The following STRIP2 variants were observed in gnomAD, a reference collection of about 807,000 sequenced individuals.
The protein encoded by STRIP2 is striatin interacting protein 2, also known as striatin-interacting protein 2.
STRIP2 carries 84 observed loss-of-function variants against 107.1 expected under a neutral mutation model. The ratio of observed to expected loss-of-function variants is 0.78; its 90% CI spans 0.66 to 0.94. The LOEUF (loss-of-function observed/expected upper bound fraction) is 0.94. STRIP2 is among the 40% of genes least tolerant of loss of function. The pLI is 0.00. For missense variants in STRIP2, 888 were observed against 1,034.2 expected, an observed-to-expected ratio of 0.86 and a Z score of 1.94; for synonymous variants, 394 against 400.4, an observed-to-expected ratio of 0.98 and a Z score of 0.19.
chr7:129,443,942 G>T lies in STRIP2; in HGVS notation c.200-82G>T, dbSNP rs553486885. 4 of 1,020,170 alleles carry T rather than the reference G, an allele frequency of 3.9e-6. No homozygotes were observed. In the Admixed American group the frequency reaches 5.4e-5, roughly 14 times the overall value. 63.2% of individuals were successfully genotyped at this position (1,020,170 alleles called of 1,614,324 possible). On this transcript the variant is annotated intron_variant, in intron 2 of 20. Transcript: ENST00000249344. ...ACACAGGAATGTGTTGGAAGCTTCA[G>T]CTCTTTCATGCCACCCTCTCTACTT...
intron 1 of STRIP2, among the ~76,000 whole-genome samples, chr7:129,436,766 T>C (rs1797751977): frequency 6.6e-6 from 1 of 152,206 alleles, no homozygotes; most frequent in South Asian, 2.1e-4. Context: ...AGAATTACTG[T>C]GGCACAAGTC....
intron 9 of STRIP2, among the ~76,000 whole-genome samples, chr7:129,457,803 T>G (rs2151001585): frequency 6.6e-6 from 1 of 152,322 alleles, no homozygotes; most frequent in Middle Eastern, 3.4e-3. Context: ...ATTCCAAACT[T>G]GCTTCCCTCT....
Position 129,475,608 on chromosome 7 carries a change from G to A in STRIP2, c.1944+4893G>A, listed in dbSNP as rs577937115. On this transcript the variant is annotated intron_variant, in intron 18 of 20. Coordinates refer to ENST00000249344, the MANE Select transcript of STRIP2 (RefSeq NM_020704.3). Reference sequence around the variant, plus strand: ...TATTGATCATTCTTGGGTGTTTCTCGCATAGGGGGATTTGGCAGGGTCATA... The same window carrying A: ...TATTGATCATTCTTGGGTGTTTCTCACATAGGGGGATTTGGCAGGGTCATA... Among the ~76,000 whole-genome samples, 770 of 131,766 alleles carry A rather than the reference G, an allele frequency of 5.8e-3. 8 individuals carry two copies. Among genetic ancestry groups the A allele is most frequent in the African/African-American group, 0.021 (731 of 34,580 alleles). 86.4% of individuals were successfully genotyped at this position (131,766 alleles called of 152,430 possible).
At position 129,464,593 on chromosome 7, in the gene STRIP2, C is replaced by G. The variant is rs1357606479; in HGVS notation, c.1650-19C>G. 1 of 1,613,642 alleles carries G rather than the reference C, an allele frequency of 6.2e-7. No homozygotes were observed. The highest frequency in any genetic ancestry group is 1.3e-5 in the African/African-American group (1 of 74,874). On this transcript the variant is annotated intron_variant, in intron 15 of 20. Coordinates refer to ENST00000249344, the MANE Select transcript of STRIP2 (RefSeq NM_020704.3). The stretch of plus-strand genomic sequence containing the variant: ...TTTAAGGCCACTCTCTGCACTAATA[C>G]CTTCTCTCCCCATTGTAGCATCACT...
At chr7:129,448,613 C>G (rs887257149) in intron 3 of STRIP2, among the ~76,000 whole-genome samples, 9 of 152,156 alleles carry the variant, frequency 5.9e-5, no homozygotes, top group African/African-American at 1.9e-4. Flanking sequence ...CTATCAGTTT[C>G]ACTTCTAGAA....
Position 129,455,345 on chromosome 7 carries a change from C to G in STRIP2, c.808C>G (p.Leu270Val), listed in dbSNP as rs764595855. ...TCCTCACTTCCCCATAAAGAAGGTC[C>G]TGCTCCTGCTCTGGAAGGTGGTCAT... ...LAPHFPIKKV[L>V]LLLWKVVMFT... is the part of the protein sequence containing the mutation. Residue 270 changes from leucine (L) to valine (V), a missense_variant, in exon 8 of 21, where the codon CTG becomes GTG. Transcript: ENST00000249344. 4 of 1,613,616 alleles carry G rather than the reference C, an allele frequency of 2.5e-6. No individual in the cohort carries two copies. Among genetic ancestry groups the G allele is most frequent in the Non-Finnish European group, 3.4e-6 (4 of 1,179,836 alleles).
chr7:129,459,492 A>G (rs773438752), intron 11 of STRIP2, 25 bp from the exon 12 acceptor site: 2 of 1,609,390 alleles, frequency 1.2e-6, no homozygotes, highest in Non-Finnish European at 1.7e-6. Flanking sequence ...GAAGCTTATG[A>G]TCTGGTATGT....
chr7:129,437,029 T>C (rs1029055790), intron 1 of STRIP2, among the ~76,000 whole-genome samples: 3 of 152,212 alleles, frequency 2.0e-5, no homozygotes, highest in African/African-American at 7.2e-5. Context: ...GTCATCGAAG[T>C]GAGTTTTTCT....
Position 129,451,670 on chromosome 7 carries a change from G to A in STRIP2, c.332G>A (p.Gly111Glu). Reference sequence around the variant, plus strand: ...GATGCCCAAAAGGCCTATATAATGGGACTCTTGGACCGGCTAGAGGTGGTC... The same window carrying A: ...GATGCCCAAAAGGCCTATATAATGGAACTCTTGGACCGGCTAGAGGTGGTC... ...EEDAQKAYIM[G>E]LLDRLEVVSR... Residue 111 changes from glycine (G) to glutamate (E), a missense_variant, in exon 4 of 21, where the codon GGA becomes GAA. Coordinates refer to ENST00000249344, the MANE Select transcript of STRIP2 (RefSeq NM_020704.3). 1 of 1,614,164 alleles carries A rather than the reference G, an allele frequency of 6.2e-7. No homozygotes were observed.
At chr7:129,444,439 C>T (rs1797982200) in intron 3 of STRIP2, among the ~76,000 whole-genome samples, 2 of 152,098 alleles carry the variant, frequency 1.3e-5, no homozygotes, top group African/African-American at 2.4e-5. Flanking sequence ...AGGCTAGGCC[C>T]ATCTCTCCTT....
At chr7:129,452,352 T>C (rs1486317878) in intron 4 of STRIP2, among the ~76,000 whole-genome samples, 2 of 151,974 alleles carry the variant, frequency 1.3e-5, no homozygotes, top group East Asian at 1.9e-4. Flanking sequence ...ATCATAAATA[T>C]AAGGCGTGTT....
At chr7:129,459,916 G>A (rs1441310219) in intron 12 of STRIP2, among the ~76,000 whole-genome samples, 2 of 152,090 alleles carry the variant, frequency 1.3e-5, no homozygotes, top group Admixed American at 1.3e-4. Context: ...TTGAGTAGGA[G>A]CCTGCTCTAT....
chr7:129,478,075 C>A (rs1799019235), intron 18 of STRIP2: 1 of 308,120 alleles, frequency 3.2e-6, no homozygotes, highest in South Asian at 3.0e-5. Flanking sequence ...GAAATAGTAT[C>A]ATCATGTTAG....
At chr7:129,482,283 A>G (rs1009866193) in intron 19 of STRIP2, among the ~76,000 whole-genome samples, 7 of 151,294 alleles carry the variant, frequency 4.6e-5, no homozygotes, top group Non-Finnish European at 7.4e-5. Context: ...ACTTTATACC[A>G]TATGCTTTGA....
At chr7:129,463,742 G>A (rs186014016) in intron 14 of STRIP2, among the ~76,000 whole-genome samples, 20 of 152,298 alleles carry the variant, frequency 1.3e-4, no homozygotes, top group African/African-American at 4.6e-4. Flanking sequence ...TGATCTGCCT[G>A]TCTCGGCCTC....
At chr7:129,478,997 G>A (rs868225907) in intron 18 of STRIP2, among the ~76,000 whole-genome samples, 3 of 152,068 alleles carry the variant, frequency 2.0e-5, no homozygotes, top group Non-Finnish European at 2.9e-5. Context: ...AAGTCTGTTC[G>A]GGCGCGGTGG....
Position 129,460,362 on chromosome 7 carries a change from CTA to C in STRIP2, c.1468_1469del (p.Met490ValfsTer13). 6.2e-7 allele frequency: 1 copy of C among 1,613,654 alleles called. No individual in the cohort carries two copies. Among genetic ancestry groups the C allele is most frequent in the South Asian group, 1.1e-5 (1 of 90,912 alleles). ...AATGAAGAGGAGCTGGAGAAGTGCC[CTA>C]TGTCTTTGGTGAGCCAAGGAAGCCC... On this transcript the variant is annotated frameshift_variant, in exon 13 of 21. Transcript: ENST00000249344. LOFTEE classifies it high-confidence loss of function.
intron 7 of STRIP2, among the ~76,000 whole-genome samples, chr7:129,454,787 C>T (rs1008009570): frequency 6.6e-6 from 1 of 152,158 alleles, no homozygotes; most frequent in African/African-American, 2.4e-5. Flanking sequence ...ATAGCCATTC[C>T]TCTCCCACTC....
intron 20 of STRIP2, chr7:129,484,533 T>C (rs1186793923): frequency 2.0e-5 from 3 of 152,184 alleles, no homozygotes; most frequent in African/African-American, 7.2e-5. Context: ...AATACCATGA[T>C]CATGAAGATG....
Sources: gnomAD v4.1 joint callset for allele counts (sites outside exome capture counted in the v4.1 genomes callset) on GRCh38, gnomAD v4.1.1 for gene constraint, MANE v1.5 for transcripts, NCBI Gene and HGNC (gene_info 2026-07-23, HGNC 2026-07-21) for gene names.